The following NREP variants were observed in gnomAD, a reference collection of about 807,000 sequenced individuals.
The protein encoded by NREP is neuronal regeneration-related protein.
In NREP, 5 loss-of-function variants were observed where a neutral mutation model predicts 8.6. The observed-to-expected ratio is 0.58, with a 90% CI of 0.30 to 1.22. The LOEUF (loss-of-function observed/expected upper bound fraction) is 1.22, where lower values mean the gene tolerates loss of function less well. Among genes scored for constraint, NREP ranks in the 50% most tolerant of loss-of-function variants. The probability of loss-of-function intolerance (pLI) is 0.07; values close to 1 mark genes in which losing one functional copy is unlikely to be tolerated. For synonymous variants in NREP, 27 were observed against 28.0 expected (o/e 0.96, Z 0.11); for missense variants, 86 against 82.5 (o/e 1.04, Z -0.17).
At chr5:111,881,145 G>A (rs1398217215) in intron 2 of NREP, among the ~76,000 whole-genome samples, 4 of 152,248 alleles carry the variant, frequency 2.6e-5, no homozygotes, top group Admixed American at 2.6e-4. Context: ...TTTCCGACAG[G>A]CTTAAAAAAC....
intron 2 of NREP, among the ~76,000 whole-genome samples, chr5:111,865,475 G>A (rs1753643627): frequency 6.6e-6 from 1 of 152,134 alleles, no homozygotes; most frequent in Non-Finnish European, 1.5e-5. Flanking sequence ...TATGTGAATG[G>A]CAACATGTAA....
chr5:111,932,211 C>T (rs1755560204), intron 2 of NREP, among the ~76,000 whole-genome samples: 1 of 151,816 alleles, frequency 6.6e-6, no homozygotes, highest in South Asian at 2.1e-4. Context: ...TAGATGGTCC[C>T]CTCCATGCTC....
intron 2 of NREP, among the ~76,000 whole-genome samples, chr5:111,971,286 T>C (rs1756811165): frequency 6.6e-6 from 1 of 152,210 alleles, no homozygotes. Flanking sequence ...GACCTACAGA[T>C]TCAATGTAAT....
At chr5:111,976,245 T>A (rs1433891452) in intron 1 of NREP, among the ~76,000 whole-genome samples, 1 of 152,240 alleles carries the variant, frequency 6.6e-6, no homozygotes, top group Non-Finnish European at 1.5e-5. Context: ...AAACTATAGG[T>A]AGAAGCATGA....
intron 2 of NREP, among the ~76,000 whole-genome samples, chr5:111,832,957 A>T (rs140761752): frequency 6.6e-6 from 1 of 152,204 alleles, no homozygotes. Context: ...TGGAGGCCAC[A>T]TTGGAAGCAG....
At chr5:111,734,696 T>A (rs1748940879) in intron 3 of NREP, 1 of 699,790 alleles carries the variant, frequency 1.4e-6, no homozygotes, top group East Asian at 2.7e-5. Flanking sequence ...TTATGAAACT[T>A]TCAAATAGAA....
intron 2 of NREP, among the ~76,000 whole-genome samples, chr5:111,799,143 C>T (rs1430113172): frequency 2.0e-5 from 3 of 152,074 alleles, no homozygotes; most frequent in Admixed American, 2.0e-4. Context: ...ATTTTTATAC[C>T]AGTACCATGC....
At chr5:111,767,332 G>A (rs1356353797) in intron 2 of NREP, among the ~76,000 whole-genome samples, 1 of 152,118 alleles carries the variant, frequency 6.6e-6, no homozygotes, top group Non-Finnish European at 1.5e-5. Flanking sequence ...AAGAATCTAT[G>A]CATAGGTATA....
intron 1 of NREP, chr5:111,756,219 A>G: frequency 9.9e-7 from 1 of 1,006,844 alleles, no homozygotes; most frequent in African/African-American, 1.7e-5. Flanking sequence ...AATAGGAATC[A>G]GCCTTCCACC....
At chr5:111,836,454 C>G (rs557821180) in intron 2 of NREP, among the ~76,000 whole-genome samples, 1 of 152,134 alleles carries the variant, frequency 6.6e-6, no homozygotes, top group South Asian at 2.1e-4. Flanking sequence ...CAAGTCTCTT[C>G]TGAGGAATAT....
chr5:111,890,133 T>C (rs1334272326), intron 2 of NREP, among the ~76,000 whole-genome samples: 4 of 152,168 alleles, frequency 2.6e-5, no homozygotes. Context: ...AGCATTCCCA[T>C]TCCCAAAGGA....
intron 2 of NREP, among the ~76,000 whole-genome samples, chr5:111,902,023 G>C (rs568095074): frequency 2.0e-5 from 3 of 152,246 alleles, no homozygotes; most frequent in East Asian, 1.9e-4. Context: ...CAAATGTGGA[G>C]GCACCACACT....
At chr5:111,858,375 C>T (rs1368150086) in intron 2 of NREP, among the ~76,000 whole-genome samples, 1 of 152,144 alleles carries the variant, frequency 6.6e-6, no homozygotes, top group African/African-American at 2.4e-5. Flanking sequence ...ACCCGGGTCT[C>T]TCCCACCAAG....
intron 2 of NREP, among the ~76,000 whole-genome samples, chr5:111,822,921 C>G (rs763253947): frequency 1.3e-5 from 2 of 152,224 alleles, no homozygotes; most frequent in African/African-American, 2.4e-5. Flanking sequence ...AATTATAAAA[C>G]TAAAAGCCAT....
chr5:111,938,297 A>G (rs1755738491), intron 2 of NREP, among the ~76,000 whole-genome samples: 1 of 152,108 alleles, frequency 6.6e-6, no homozygotes, highest in African/African-American at 2.4e-5. Flanking sequence ...TCTATTTAAT[A>G]AAGTCATCAG....
chr5:111,848,495 A>G (rs1432928536), intron 2 of NREP, among the ~76,000 whole-genome samples: 1 of 152,096 alleles, frequency 6.6e-6, no homozygotes, highest in Non-Finnish European at 1.5e-5. Flanking sequence ...AGGCATACAA[A>G]AGAGAAAGTG....
chr5:111,755,500 G>C (rs761026650), intron 2 of NREP: 1 of 458,128 alleles, frequency 2.2e-6, no homozygotes, highest in Non-Finnish European at 4.0e-6. Flanking sequence ...AATAGTTTCT[G>C]TTGTTCAAAT....
intron 2 of NREP, among the ~76,000 whole-genome samples, chr5:111,934,455 G>T (rs578081703): frequency 1.3e-5 from 2 of 152,140 alleles, no homozygotes; most frequent in African/African-American, 4.8e-5. Context: ...AAAAGAACAT[G>T]AAAAGATAGT....
At chr5:111,793,836 A>T (rs1751811841) in intron 2 of NREP, among the ~76,000 whole-genome samples, 1 of 152,196 alleles carries the variant, frequency 6.6e-6, no homozygotes, top group Admixed American at 6.5e-5. Flanking sequence ...AGGCAGGAAG[A>T]TACCTTGAAG....
Sources: gnomAD v4.1 joint callset for allele counts (sites outside exome capture counted in the v4.1 genomes callset) on GRCh38, gnomAD v4.1.1 for gene constraint, MANE v1.5 for transcripts, NCBI Gene and HGNC (gene_info 2026-07-23, HGNC 2026-07-21) for gene names.